TBC1D17: variants seen among roughly 807,000 people sequenced by gnomAD.
TBC1D17 encodes TBC1 domain family member 17.
In TBC1D17, 69 loss-of-function variants were observed where a neutral mutation model predicts 78.8. The ratio of observed to expected loss-of-function variants is 0.88; its 90% confidence interval spans 0.72 to 1.07. TBC1D17 has a LOEUF of 1.07. Ranked by LOEUF, TBC1D17 falls within the 50% of genes least tolerant of loss-of-function variation. The pLI, the probability that TBC1D17 is intolerant of heterozygous loss-of-function variation, is 0.00. For missense variants in TBC1D17, 957 were observed against 861.0 expected, an observed-to-expected ratio of 1.11 and a Z score of -1.39; for synonymous variants, 456 against 358.3, an observed-to-expected ratio of 1.27 and a Z score of -3.08.
At chr19:49,879,871 T>A (rs1433680425) in intron 3 of TBC1D17, among the ~76,000 whole-genome samples, 1 of 140,626 alleles carries the variant, frequency 7.1e-6, no homozygotes, top group Non-Finnish European at 1.5e-5. Context: ...TTTTTTTTAA[T>A]GAGACAGAAT....
chr19:49,879,745 GT>G (rs1185703005), intron 3 of TBC1D17, among the ~76,000 whole-genome samples: 1 of 151,782 alleles, frequency 6.6e-6, no homozygotes, highest in Non-Finnish European at 1.5e-5. Context: ...GCCACCTGCT[GT>G]GTAGCATGGA....
In TBC1D17 at chr19:49,880,388, CAG is replaced by C; in HGVS notation, c.308_309del (p.Glu103AlafsTer102). 1 of 1,613,826 alleles carries C rather than the reference CAG, an allele frequency of 6.2e-7. No homozygotes were observed. The highest frequency in any genetic ancestry group is 8.5e-7 in the Non-Finnish European group (1 of 1,179,922). Reference sequence around the variant, plus strand: ...ACTGTGCGGCCACAGCTCTGCCACTCAGAGCCCACGAGAGGTAGGCTGAGGTG... The same window carrying C: ...ACTGTGCGGCCACAGCTCTGCCACTCAGCCCACGAGAGGTAGGCTGAGGTG... On this transcript the variant is annotated frameshift_variant, in exon 4 of 17. Transcript: ENST00000221543. LOFTEE classifies it high-confidence loss of function.
rs762389492 is a variant in TBC1D17, at chr19:49,882,873, A to G, written c.908A>G (p.Lys303Arg). 1 of 1,609,764 alleles carries G rather than the reference A, an allele frequency of 6.2e-7. No homozygotes were observed. The highest frequency in any genetic ancestry group is 8.5e-7 in the Non-Finnish European group (1 of 1,178,430). Residue 303 changes from lysine to arginine, a missense_variant, in exon 8 of 17, where the codon AAG (lysine) becomes AGG (arginine). Transcript: ENST00000221543. ...CGCCTGCAGCAGGTCCCTGAGCTGA[A>G]GAACCGGATCTTCTCGGGGGTGAGT... ...EGRLQQVPEL[K>R]NRIFSGGLSP...
At chr19:49,888,038 G>T in intron 15 of TBC1D17, 193 bp from the exon 16 acceptor site, 1 of 1,043,336 alleles carries the variant, frequency 9.6e-7, no homozygotes. Context: ...AGGTGGGTGG[G>T]GACCTTCCCT....
chr19:49,877,756 G>A lies in TBC1D17; in HGVS notation c.21+12G>A. On this transcript the variant is annotated intron_variant, in intron 1 of 16. Transcript: ENST00000221543. ...GAGCCGGCTACAGGGTAAGCACTGA[G>A]GACGCATTCCCTCGCTTCAGTGTAT... 1.3e-6 allele frequency: 2 copies of A among 1,590,722 alleles called. No individual in the cohort carries two copies. The highest frequency in any genetic ancestry group is 2.7e-5 in the African/African-American group (2 of 74,900).
chr19:49,881,221 ACT>A (rs775524886), intron 4 of TBC1D17, 45 bp from the exon 5 acceptor site: 4 of 1,554,530 alleles, frequency 2.6e-6, no homozygotes, highest in Admixed American at 3.5e-5. Flanking sequence ...GATAAGGCTG[ACT>A]CTGGCTTCCC....
intron 3 of TBC1D17, among the ~76,000 whole-genome samples, chr19:49,880,046 C>T (rs925867768): frequency 5.9e-5 from 9 of 151,650 alleles, no homozygotes; most frequent in South Asian, 2.1e-4. Context: ...TTAGTAGAAA[C>T]GAGGTTTCTC....
intron 10 of TBC1D17, among the ~76,000 whole-genome samples, chr19:49,883,977 T>C (rs2075037582): frequency 6.6e-6 from 1 of 152,190 alleles, no homozygotes; most frequent in South Asian, 2.1e-4. Context: ...GTCTCAGTTC[T>C]GTCAATGCCT....
rs181551526 is a variant in TBC1D17, at chr19:49,887,247, T to C, written c.1445-229T>C. Reference sequence around the variant, plus strand: ...GGCGTGCTGGGCGTCCTGCCTCCCTTCCATGTCCATGGCAGATGTGGAAGT... The same window carrying C: ...GGCGTGCTGGGCGTCCTGCCTCCCTCCCATGTCCATGGCAGATGTGGAAGT... On this transcript the variant is annotated intron_variant, in intron 13 of 16. Coordinates refer to ENST00000221543, the MANE Select transcript of TBC1D17 (RefSeq NM_024682.3). The C allele has an allele frequency of 4.8e-4, 258 of 540,364 alleles. 1 individual carries two copies. Among genetic ancestry groups the C allele is most frequent in the African/African-American group, 4.6e-3 (240 of 52,602 alleles). 33.5% of individuals were successfully genotyped at this position (540,364 alleles called of 1,614,324 possible).
chr19:49,882,081 G>T lies in TBC1D17; in HGVS notation c.568G>T (p.Asp190Tyr). 1 of 1,613,968 alleles carries T rather than the reference G, an allele frequency of 6.2e-7. No individual in the cohort carries two copies. The highest frequency in any genetic ancestry group is 8.5e-7 in the Non-Finnish European group (1 of 1,179,982). Residue 190 changes from aspartate to tyrosine, a missense_variant, in exon 6 of 17, where the codon GAC becomes TAC. Physicochemically the swap from Asp to Tyr is radical, Grantham distance 160. Transcript: ENST00000221543. ...CCGCCTCTACCTTGTCTTCCCCCAC[G>T]ACTCCTCTGCTCTCTCCAACTCCTT... ...DSRLYLVFPHDSSALSNSFHH... is the reference protein window; with the variant it reads ...DSRLYLVFPHYSSALSNSFHH...
chr19:49,883,070 A>G lies in TBC1D17; in HGVS notation c.1025A>G (p.Lys342Arg). 2 of 1,605,808 alleles carry G rather than the reference A, an allele frequency of 1.2e-6. No individual in the cohort carries two copies. Among genetic ancestry groups the G allele is most frequent in the East Asian group, 2.2e-5 (1 of 44,688 alleles). ...GAGGAGCACAAGGCCCACATACGCA[A>G]GAAAACGTGAGTTCTCAGGAGGCCC... is the stretch of plus-strand genomic sequence containing the variant. ...TAEEHKAHIR[K>R]KTDEYFRMKL... The change falls in exon 9 of 17, where the codon AAG (lysine) becomes AGG (arginine). Residue 342 changes from lysine (K) to arginine (R), a missense_variant. Coordinates refer to ENST00000221543, the MANE Select transcript of TBC1D17 (RefSeq NM_024682.3).
chr19:49,881,556 G>A, intron 5 of TBC1D17, 81 bp downstream of exon 5: 1 of 1,344,666 alleles, frequency 7.4e-7, no homozygotes. Context: ...GGCTGTGAAA[G>A]AAACACAACT....
At chr19:49,887,863 TCCCCCCTGAGCTGGGCGCTGCC>T (rs1365293371) in intron 15 of TBC1D17, 29 bp downstream of exon 15, 4 of 1,548,788 alleles carry the variant, frequency 2.6e-6, no homozygotes, top group Non-Finnish European at 3.5e-6. Context: ...CCCCGCCCTG[TCCCCCCTGAGCTGGGCGCTGCC>T]CAGGGCCGCA....
intron 9 of TBC1D17, among the ~76,000 whole-genome samples, 189 bp from the exon 10 acceptor site, chr19:49,883,461 CT>C (rs1568675912): frequency 6.6e-6 from 1 of 152,064 alleles, no homozygotes; most frequent in African/African-American, 2.4e-5. Context: ...GGCCACAAGG[CT>C]ATGTAGTGAG....
In TBC1D17 at chr19:49,882,324, A is replaced by G; in HGVS notation, c.722A>G (p.Gln241Arg). 2 of 1,611,340 alleles carry G rather than the reference A, an allele frequency of 1.2e-6. No individual in the cohort carries two copies. The highest frequency in any genetic ancestry group is 4.5e-5 in the East Asian group (2 of 44,878). ...TNFFRGALQPQPEGAASDLPP... is the reference protein window; with the variant it reads ...TNFFRGALQPRPEGAASDLPP... ...TTCTTCCGGGGTGCCCTGCAGCCACAGCCTGAGGGAGCCGCCTCCGACCTT... is the reference window on the plus strand; with the variant it reads ...TTCTTCCGGGGTGCCCTGCAGCCACGGCCTGAGGGAGCCGCCTCCGACCTT... Residue 241 changes from glutamine (Q) to arginine (R), a missense_variant, in exon 7 of 17, where the codon CAG (glutamine) becomes CGG (arginine). By Grantham distance (43) the Gln-to-Arg change is conservative. Transcript: ENST00000221543.
intron 6 of TBC1D17, 35 bp downstream of exon 6, chr19:49,882,187 G>A: frequency 6.2e-7 from 1 of 1,613,608 alleles, no homozygotes; most frequent in Non-Finnish European, 8.5e-7. Context: ...GGCGGGTGTG[G>A]GCAGGGAGGG....
At chr19:49,888,008 C>G (rs376860993) in intron 15 of TBC1D17, 174 bp downstream of exon 15, 63 of 927,696 alleles carry the variant, frequency 6.8e-5, no homozygotes, top group African/African-American at 5.3e-4. Context: ...CATGCCTGCT[C>G]CCAGCAAGGT....
rs1212714150 is a variant in TBC1D17 at position 49,888,523 on chromosome 19, C to G, written c.1846C>G (p.Arg616Gly). 1 of 1,533,520 alleles carries G rather than the reference C, an allele frequency of 6.5e-7. No individual in the cohort carries two copies. The highest frequency in any genetic ancestry group is 8.8e-7 in the Non-Finnish European group (1 of 1,140,476). The allele number at this position is 1,533,520 out of a possible 1,614,324, so 95.0% of individuals were successfully genotyped here. A position where few individuals can be genotyped will look rare whatever the true frequency, so the allele number is the denominator to read the frequency against. The part of the protein sequence containing the change: ...TASPLPLSPT[R>G]APPTPPPSTD... ...CTCCCCGCTGCCTCTGTCGCCCACC[C>G]GGGCCCCGCCCACCCCGCCGCCCTC... Residue 616 changes from arginine (R) to glycine (G), a missense_variant, in exon 17 of 17, where the codon CGG (arginine) becomes GGG (glycine). Physicochemically the swap from Arg to Gly is moderately radical, Grantham distance 125. Transcript: ENST00000221543.
At position 49,888,441 on chromosome 19, in the gene TBC1D17, G is replaced by C. The variant is rs887540526; in HGVS notation, c.1764G>C (p.Val588=). 25 of 1,599,658 alleles carry C rather than the reference G, an allele frequency of 1.6e-5. No individual in the cohort carries two copies. The highest frequency in any genetic ancestry group is 2.0e-5 in the Non-Finnish European group (24 of 1,177,058). Residue 588 remains valine, a synonymous_variant, in exon 17 of 17, where the codon GTG becomes GTC. Coordinates refer to ENST00000221543, the MANE Select transcript of TBC1D17 (RefSeq NM_024682.3). The part of the protein sequence containing the change: ...LTACPELPHN[V]QEILGLAPPA... ...GCCTCCAGGAGCTGCCCCACAACGT[G>C]CAGGAGATCCTGGGGCTGGCCCCGC...
Sources: gnomAD v4.1 joint callset for allele counts (sites outside exome capture counted in the v4.1 genomes callset) on GRCh38, gnomAD v4.1.1 for gene constraint, MANE v1.5 for transcripts, NCBI Gene and HGNC (gene_info 2026-07-23, HGNC 2026-07-21) for gene names.